ZNF808: variants seen among roughly 807,000 people sequenced by gnomAD.
ZNF808 encodes zinc finger protein 808.
In ZNF808, 5 loss-of-function variants were observed where a neutral mutation model predicts 8.7. The observed-to-expected ratio is 0.58, with a 90% CI of 0.30 to 1.21. The LOEUF is 1.21. Ranked by LOEUF, ZNF808 falls within the 50% of genes most tolerant of loss-of-function variation. The probability of loss-of-function intolerance (pLI) is 0.07; values close to 1 mark genes in which losing one functional copy is unlikely to be tolerated. For synonymous variants in ZNF808, 380 were observed against 366.0 expected, an observed-to-expected ratio of 1.04 and a Z score of -0.44; for missense variants, 1,103 against 1,098.4, an observed-to-expected ratio of 1.00 and a Z score of -0.06.
At chr19:52,568,260 G>A (rs1376151331), downstream of ZNF808, among the ~76,000 whole-genome samples, 2 of 152,188 alleles carry the variant, frequency 1.3e-5, no homozygotes, top group African/African-American at 4.8e-5. Context: ...TGTATTTTCA[G>A]CTATTTGGGA....
At chr19:52,556,687 G>C (rs2123218366), downstream of ZNF808, 1 of 151,942 alleles carries the variant, frequency 6.6e-6, no homozygotes, top group East Asian at 1.9e-4. Flanking sequence ...GAACCCAGGA[G>C]GTGGAGCTTG....
intron 4 of ZNF808, 57 bp downstream of exon 4, chr19:52,547,695 C>G: frequency 6.3e-7 from 1 of 1,590,292 alleles, no homozygotes. Context: ...CTTGGCTCTT[C>G]CTGGTTTTGT....
downstream of ZNF808, among the ~76,000 whole-genome samples, chr19:52,560,919 A>G (rs1207969278): frequency 3.9e-5 from 6 of 152,262 alleles, no homozygotes; most frequent in South Asian, 6.2e-4. Flanking sequence ...ATTTTGTAAT[A>G]GTGAACACCC....
At chr19:52,542,093 T>G (rs1299588078) in intron 2 of ZNF808, among the ~76,000 whole-genome samples, 1 of 150,582 alleles carries the variant, frequency 6.6e-6, no homozygotes, top group East Asian at 1.9e-4. Context: ...ATACATCACT[T>G]CCAATTTTTT....
chr19:52,564,434 T>A lies in ZNF808; in HGVS notation c.*1539T>A, dbSNP rs569888993. On this transcript the variant is annotated 3_prime_UTR_variant and NMD_transcript_variant, in exon 4 of 4. Transcript: ENST00000487863. ...GAGACCTTTCATTTCAAAAAAAAAATTTTAATGACATAATAGATTACCTAA... is the reference window on the plus strand; with the variant it reads ...GAGACCTTTCATTTCAAAAAAAAAAATTTAATGACATAATAGATTACCTAA... 106 of 271,742 alleles carry A rather than the reference T, an allele frequency of 3.9e-4. No homozygotes were observed. In the South Asian group the frequency reaches 5.6e-3, roughly 14 times the overall value. The allele number at this position is 271,742 out of a possible 1,614,324, so 16.8% of individuals were successfully genotyped here.
chr19:52,565,984 A>T (rs2059872155), downstream of ZNF808, among the ~76,000 whole-genome samples: 1 of 152,192 alleles, frequency 6.6e-6, no homozygotes, highest in African/African-American at 2.4e-5. Context: ...ATACTTTTGG[A>T]TCACAAGCTC....
At position 52,555,388 on chromosome 19, in the gene ZNF808, T is replaced by C; in HGVS notation, c.2472T>C (p.Cys824=). 1 of 1,614,156 alleles carries C rather than the reference T, an allele frequency of 6.2e-7. No individual in the cohort carries two copies. Among genetic ancestry groups the C allele is most frequent in the African/African-American group, 1.3e-5 (1 of 75,052 alleles). Residue 824 remains cysteine, a synonymous_variant, in exon 5 of 5, where the codon TGT becomes TGC. Coordinates refer to ENST00000359798, the MANE Select transcript of ZNF808 (RefSeq NM_001039886.4). ...AGAAACCTTACAAGTGTAATGAATG[T>C]GGAAAGGCTTTTAATGAACAATCAC... ...TAEKPYKCNE[C]GKAFNEQSHL... is the part of the protein sequence containing the mutation.
downstream of ZNF808, among the ~76,000 whole-genome samples, chr19:52,558,374 T>C (rs2059845844): frequency 6.9e-6 from 1 of 145,942 alleles, no homozygotes; most frequent in Non-Finnish European, 1.5e-5. Context: ...TGAACTTTGT[T>C]TTATTTATTT....
chr19:52,547,470 A>G (rs779486808), intron 3 of ZNF808, 42 bp from the exon 4 acceptor site: 12 of 1,612,542 alleles, frequency 7.4e-6, no homozygotes, highest in Non-Finnish European at 1.0e-5. Flanking sequence ...GTGATAACTC[A>G]ATCCTCCATA....
intron 2 of ZNF808, among the ~76,000 whole-genome samples, chr19:52,539,316 C>T (rs1424767622): frequency 6.6e-6 from 1 of 150,720 alleles, no homozygotes; most frequent in African/African-American, 2.4e-5. Flanking sequence ...CCTCAGCCTC[C>T]CAAGCAGCTG....
chr19:52,539,020 A>G (rs2059641512), intron 2 of ZNF808, among the ~76,000 whole-genome samples: 1 of 151,982 alleles, frequency 6.6e-6, no homozygotes, highest in Non-Finnish European at 1.5e-5. Context: ...TTCGTTGTGG[A>G]TCACCCTCTT....
chr19:52,540,823 T>C (rs758465259), intron 2 of ZNF808, among the ~76,000 whole-genome samples: 4 of 152,166 alleles, frequency 2.6e-5, no homozygotes, highest in Non-Finnish European at 4.4e-5. Context: ...GTGTGCACAG[T>C]TGTGTGTATT....
intron 3 of ZNF808, among the ~76,000 whole-genome samples, chr19:52,546,176 G>A (rs1006062728): frequency 6.8e-6 from 1 of 146,020 alleles, no homozygotes; most frequent in Non-Finnish European, 1.5e-5. Flanking sequence ...GGCTATTGCT[G>A]TCATCATAAC....
chr19:52,563,425 G>A (rs58875456), exon 4 of ZNF808: 49,870 of 152,094 alleles, frequency 0.33, 8,622 homozygotes, highest in African/African-American at 0.41. Flanking sequence ...ATCAACTACT[G>A]TGGAGTCTGC....
At chr19:52,567,570 G>A (rs1433257943), downstream of ZNF808, among the ~76,000 whole-genome samples, 2 of 150,010 alleles carry the variant, frequency 1.3e-5, no homozygotes, top group Admixed American at 6.7e-5. Flanking sequence ...AGTTCCCTGG[G>A]CTGGAGTACA....
At chr19:52,558,706 A>AAG (rs547375412), downstream of ZNF808, among the ~76,000 whole-genome samples, 1 of 152,162 alleles carries the variant, frequency 6.6e-6, no homozygotes, top group African/African-American at 2.4e-5. Context: ...TTGTGGGGAA[A>AAG]AGAGAGAGAT....
chr19:52,548,814 A>C (rs1030787244), intron 4 of ZNF808, among the ~76,000 whole-genome samples: 36 of 152,046 alleles, frequency 2.4e-4, no homozygotes, highest in African/African-American at 7.0e-4. Context: ...GCACATCTTT[A>C]CTATTATAAA....
At chr19:52,532,427 G>A (rs750254473) in intron 1 of ZNF808, among the ~76,000 whole-genome samples, 55 of 151,984 alleles carry the variant, frequency 3.6e-4, no homozygotes, top group Non-Finnish European at 6.0e-4. Flanking sequence ...TCTGTGCTAC[G>A]ATTATTTGAT....
At chr19:52,565,652 C>T (rs1000141530), downstream of ZNF808, among the ~76,000 whole-genome samples, 4 of 152,184 alleles carry the variant, frequency 2.6e-5, no homozygotes, top group Non-Finnish European at 5.9e-5. Flanking sequence ...GTCACTGAGC[C>T]AGCCTAAGGC....
Sources: gnomAD v4.1 joint callset for allele counts (sites outside exome capture counted in the v4.1 genomes callset) on GRCh38, gnomAD v4.1.1 for gene constraint, MANE v1.5 for transcripts, NCBI Gene and HGNC (gene_info 2026-07-23, HGNC 2026-07-21) for gene names.